The following TFEC variants were observed in gnomAD, a reference collection of about 807,000 sequenced individuals.
TFEC encodes class E basic helix-loop-helix protein 34.
A neutral mutation model predicts 41.6 loss-of-function variants in TFEC; 31 were observed. The observed-to-expected ratio is 0.74, with a 90% CI of 0.56 to 1.01. The LOEUF (loss-of-function observed/expected upper bound fraction) is 1.01, where lower values mean the gene tolerates loss of function less well. Among genes scored for constraint, TFEC ranks in the 50% least tolerant of loss-of-function variants. The pLI is 0.00. For missense variants in TFEC, 402 were observed against 404.1 expected, an observed-to-expected ratio of 0.99 and a Z score of 0.04; for synonymous variants, 143 against 140.6, an observed-to-expected ratio of 1.02 and a Z score of -0.12.
chr7:115,954,138 T>A (rs1177206639), intron 5 of TFEC, among the ~76,000 whole-genome samples: 1 of 152,098 alleles, frequency 6.6e-6, no homozygotes, highest in Admixed American at 6.6e-5. Flanking sequence ...GAGGTGAAAT[T>A]CAGCACTGCA....
chr7:116,149,732 A>C (rs1798721722), intron 1 of TFEC, among the ~76,000 whole-genome samples: 1 of 152,168 alleles, frequency 6.6e-6, no homozygotes, highest in African/African-American at 2.4e-5. Context: ...ACTCATGAAA[A>C]AGTAAAGTTT....
chr7:116,007,219 C>G (rs1208836426), intron 1 of TFEC, among the ~76,000 whole-genome samples: 1 of 151,898 alleles, frequency 6.6e-6, no homozygotes, highest in African/African-American at 2.4e-5. Context: ...GGAAAGCAAC[C>G]TAGGCCATAG....
At chr7:115,985,661 G>C (rs1205499421) in intron 1 of TFEC, among the ~76,000 whole-genome samples, 1 of 152,022 alleles carries the variant, frequency 6.6e-6, no homozygotes. Flanking sequence ...ATTCTGTTAT[G>C]CTGACATTTT....
At chr7:115,958,039 GTATTTTTTCA>G (rs1450789866) in intron 3 of TFEC, among the ~76,000 whole-genome samples, 4 of 151,772 alleles carry the variant, frequency 2.6e-5, no homozygotes, top group African/African-American at 7.3e-5. Flanking sequence ...GCTCTCAGAT[GTATTTTTTCA>G]TATTTTTTCA....
intron 1 of TFEC, among the ~76,000 whole-genome samples, chr7:116,015,933 A>G (rs1205266984): frequency 6.6e-6 from 1 of 152,226 alleles, no homozygotes; most frequent in African/African-American, 2.4e-5. Flanking sequence ...CGTGGTGGCC[A>G]GTTTAGAAGC....
At chr7:116,068,571 A>G (rs1223366357) in intron 3 of TFEC, among the ~76,000 whole-genome samples, 1 of 151,728 alleles carries the variant, frequency 6.6e-6, no homozygotes, top group Non-Finnish European at 1.5e-5. Flanking sequence ...CAACAGTTTG[A>G]AGACTTTTGG....
At chr7:116,078,306 C>T (rs1031204905) in intron 3 of TFEC, among the ~76,000 whole-genome samples, 1 of 129,432 alleles carries the variant, frequency 7.7e-6, no homozygotes, top group Non-Finnish European at 1.6e-5. Flanking sequence ...AACCAAACCC[C>T]AAACCAGCAG....
intron 3 of TFEC, among the ~76,000 whole-genome samples, chr7:115,972,128 C>T (rs1793160783): frequency 6.6e-6 from 1 of 152,016 alleles, no homozygotes; most frequent in Non-Finnish European, 1.5e-5. Context: ...ATGTTGTTCT[C>T]TTAACTTGCT....
Position 115,950,015 on chromosome 7 carries a change from C to CTTTT in TFEC, c.515+855_515+858dup, listed in dbSNP as rs10684805. Among the ~76,000 whole-genome samples the CTTTT allele has an allele frequency of 9.6e-3, 1,356 of 141,912 alleles. 29 individuals are homozygous for CTTTT. The highest frequency in any genetic ancestry group is 0.032 in the African/African-American group (1,220 of 38,320). The allele number at this position is 141,912 out of a possible 152,430, so 93.1% of individuals were successfully genotyped here. A position where few individuals can be genotyped will look rare whatever the true frequency, so the allele number is the denominator to read the frequency against. ...TAATGCTACAGATTCCATGTTTTCA[C>CTTTT]TTTTTTTTTTTTTTGAGATGGAGTC... On this transcript the variant is annotated intron_variant, in intron 6 of 7. Coordinates refer to ENST00000265440, the MANE Select transcript of TFEC (RefSeq NM_012252.4).
chr7:115,988,353 A>G (rs552914203), intron 1 of TFEC, among the ~76,000 whole-genome samples: 2 of 152,284 alleles, frequency 1.3e-5, no homozygotes, highest in Admixed American at 1.3e-4. Context: ...GGGCAATGCA[A>G]ACAGAGTGAT....
At chr7:116,112,141 T>A in intron 1 of TFEC, 9 of 484,318 alleles carry the variant, frequency 1.9e-5, no homozygotes, top group Non-Finnish European at 2.4e-5. Context: ...AAAACATACA[T>A]TGGATGTTCA....
intron 5 of TFEC, among the ~76,000 whole-genome samples, chr7:115,952,110 T>C (rs994792908): frequency 6.6e-6 from 1 of 152,074 alleles, no homozygotes; most frequent in African/African-American, 2.4e-5. Context: ...AGACTATCAA[T>C]TGCCTTGGTG....
rs1027763804 is a variant in TFEC at position 115,938,006 on chromosome 7, T to G, written c.*2545A>C. On this transcript the variant is annotated 3_prime_UTR_variant, in exon 8 of 8. Coordinates refer to ENST00000265440, the MANE Select transcript of TFEC (RefSeq NM_012252.4). ...GACACAGCATAACTCTTTACTCTCT[T>G]TAAAAATTCATTACCCTTTTTACAG... 6.6e-6 allele frequency: 1 copy of G among 151,896 alleles called. No individual in the cohort carries two copies. The highest frequency in any genetic ancestry group is 2.4e-5 in the African/African-American group (1 of 41,426). The allele number at this position is 151,896 out of a possible 1,614,324, so 9.4% of individuals were successfully genotyped here. A position where few individuals can be genotyped will look rare whatever the true frequency, so the allele number is the denominator to read the frequency against.
chr7:116,055,851 C>A (rs547807183), intron 3 of TFEC, among the ~76,000 whole-genome samples: 1 of 151,926 alleles, frequency 6.6e-6, no homozygotes, highest in Non-Finnish European at 1.5e-5. Context: ...TTTCTGTGTT[C>A]TTTTTACTGA....
chr7:116,153,341 C>T (rs1798801753), intron 1 of TFEC, among the ~76,000 whole-genome samples: 1 of 152,158 alleles, frequency 6.6e-6, no homozygotes, highest in South Asian at 2.1e-4. Context: ...CTGCAATCCG[C>T]CTCCTGTGTT....
intron 3 of TFEC, among the ~76,000 whole-genome samples, chr7:116,103,020 C>T (rs552452278): frequency 6.6e-6 from 1 of 152,282 alleles, no homozygotes; most frequent in East Asian, 1.9e-4. Flanking sequence ...GGAGCTGCAT[C>T]TATCAATAAG....
At chr7:115,944,144 G>A (rs1793667988) in intron 6 of TFEC, among the ~76,000 whole-genome samples, 1 of 149,442 alleles carries the variant, frequency 6.7e-6, no homozygotes, top group Non-Finnish European at 1.5e-5. Context: ...GGTTGTAGAG[G>A]AGAGTAAAGA....
intron 3 of TFEC, among the ~76,000 whole-genome samples, chr7:115,957,471 A>G (rs374400410): frequency 6.6e-6 from 1 of 151,830 alleles, no homozygotes; most frequent in Non-Finnish European, 1.5e-5. Flanking sequence ...CTTGGGAACA[A>G]TTTTTCAGAA....
At chr7:116,050,207 A>G (rs919110102) in intron 3 of TFEC, among the ~76,000 whole-genome samples, 3 of 152,224 alleles carry the variant, frequency 2.0e-5, no homozygotes, top group African/African-American at 7.2e-5. Flanking sequence ...GGTTTTTTGA[A>G]AAGCTCAACA....
Sources: gnomAD v4.1 joint callset for allele counts (sites outside exome capture counted in the v4.1 genomes callset) on GRCh38, gnomAD v4.1.1 for gene constraint, MANE v1.5 for transcripts, NCBI Gene and HGNC (gene_info 2026-07-23, HGNC 2026-07-21) for gene names.